CRB2: variants seen among roughly 807,000 people sequenced by gnomAD.
The protein encoded by CRB2 is protein crumbs homolog 2.
CRB2 carries 85 observed loss-of-function variants against 110.9 expected under a neutral mutation model. The observed-to-expected ratio is 0.77, with a 90% CI of 0.64 to 0.92. The LOEUF is 0.92. Among genes scored for constraint, CRB2 ranks in the 40% least tolerant of loss-of-function variants. CRB2 has a pLI of 0.00. For synonymous variants in CRB2, 907 were observed against 831.0 expected (o/e 1.09, Z -1.57); for missense variants, 1,843 against 1,851.3 (o/e 1.00, Z 0.08).
intron 9 of CRB2, 28 bp downstream of exon 9, chr9:123,372,370 T>G: frequency 6.4e-7 from 1 of 1,563,592 alleles, no homozygotes; most frequent in Non-Finnish European, 8.7e-7. Context: ...GCAGCTCCCG[T>G]GCTGGGTGCT....
intron 1 of CRB2, among the ~76,000 whole-genome samples, chr9:123,361,132 C>T (rs796780363): frequency 2.3e-4 from 15 of 66,008 alleles, no homozygotes; most frequent in East Asian, 5.0e-4. Flanking sequence ...ATTGGATGGG[C>T]GGGGAGGGGG....
chr9:123,356,417 C>T, intron 1 of CRB2, 63 bp downstream of exon 1: 1 of 1,322,004 alleles, frequency 7.6e-7, no homozygotes. Flanking sequence ...ACAGATACCC[C>T]AAGCCTTGGC....
In CRB2 at chr9:123,373,808, G is replaced by A. The variant is rs2042059073; in HGVS notation, c.3277G>A (p.Ala1093Thr). The change falls in exon 10 of 13, where the codon GCC (alanine) becomes ACC (threonine). Residue 1093 changes from alanine to threonine, a missense_variant. By Grantham distance (58) the Ala-to-Thr change is moderately conservative. Coordinates refer to ENST00000373631, the MANE Select transcript of CRB2 (RefSeq NM_173689.7). ...GPGWEGPRCE[A>T]HVDPCHSAPC... is the part of the protein sequence containing the mutation. ...GGGGTGGGAAGGCCCGCGCTGCGAA[G>A]CCCACGTCGACCCCTGTCACTCCGC... is the stretch of plus-strand genomic sequence containing the variant. 2 of 1,588,214 alleles carry A rather than the reference G, an allele frequency of 1.3e-6. No individual in the cohort carries two copies. The highest frequency in any genetic ancestry group is 1.7e-6 in the Non-Finnish European group (2 of 1,175,144).
intron 2 of CRB2, among the ~76,000 whole-genome samples, chr9:123,365,030 G>C (rs1282449716): frequency 6.6e-6 from 1 of 152,216 alleles, no homozygotes; most frequent in Non-Finnish European, 1.5e-5. Flanking sequence ...GGGAGGCTGA[G>C]GTGGGTGGAT....
In CRB2 at chr9:123,373,819, C is replaced by G. The variant is rs755867686; in HGVS notation, c.3288C>G (p.Asp1096Glu). 2 of 1,583,894 alleles carry G rather than the reference C, an allele frequency of 1.3e-6. No individual in the cohort carries two copies. The highest frequency in any genetic ancestry group is 1.7e-6 in the Non-Finnish European group (2 of 1,172,576). Residue 1096 changes from aspartate (D) to glutamate (E), a missense_variant, in exon 10 of 13, where the codon GAC becomes GAG. Asp to Glu is a conservative substitution (Grantham distance 45). Transcript: ENST00000373631. The stretch of plus-strand genomic sequence containing the variant: ...GCCCGCGCTGCGAAGCCCACGTCGA[C>G]CCCTGTCACTCCGCCCCCTGCGCCC... Reference protein sequence around the residue: ...WEGPRCEAHVDPCHSAPCARG... With the variant: ...WEGPRCEAHVEPCHSAPCARG...
At position 123,366,106 on chromosome 9, in the gene CRB2, T is replaced by C; in HGVS notation, c.608T>C (p.Val203Ala). The change falls in exon 3 of 13, where the codon GTC becomes GCC. Residue 203 changes from valine to alanine, a missense_variant. Transcript: ENST00000373631. ...CATGGGGGCACGTGCCACGACCTGGTCAACGGGTGAGCGAGCGGCGGGGCA... is the reference window on the plus strand; with the variant it reads ...CATGGGGGCACGTGCCACGACCTGGCCAACGGGTGAGCGAGCGGCGGGGCA... ...CAHGGTCHDL[V>A]NGFRCDCAGT... 6.8e-7 allele frequency: 1 copy of C among 1,478,212 alleles called. No individual in the cohort carries two copies. Among genetic ancestry groups the C allele is most frequent in the African/African-American group, 1.4e-5 (1 of 69,220 alleles). The allele number at this position is 1,478,212 out of a possible 1,614,324, so 91.6% of individuals were successfully genotyped here.
intron 6 of CRB2, chr9:123,368,760 G>A (rs2041973611): frequency 8.7e-7 from 1 of 1,144,616 alleles, no homozygotes; most frequent in Non-Finnish European, 1.1e-6. Context: ...GCTGGGCATG[G>A]GGGAGGCCAG....
At chr9:123,368,811 G>T in intron 6 of CRB2, 1 of 1,214,518 alleles carries the variant, frequency 8.2e-7, no homozygotes, top group South Asian at 1.4e-5. Flanking sequence ...AGGCAGCTGG[G>T]CCAGGCAGGG....
In CRB2 at chr9:123,374,699, G is replaced by A. The variant is rs781125977; in HGVS notation, c.3506+4G>A. 1.2e-6 allele frequency: 2 copies of A among 1,600,576 alleles called. No individual in the cohort carries two copies. The highest frequency in any genetic ancestry group is 2.2e-5 in the South Asian group (2 of 90,812). On this transcript the variant is annotated splice_donor_region_variant and intron_variant, in intron 11 of 12. Transcript: ENST00000373631. ...TGGAGGGTCTTGCTGGCCAGAGGTG[G>A]GTCTGGGGGCCTGGGAACTGTGAGG...
intron 1 of CRB2, among the ~76,000 whole-genome samples, chr9:123,358,978 A>G (rs951364078): frequency 1.9e-4 from 29 of 152,048 alleles, no homozygotes; most frequent in Admixed American, 2.0e-4. Flanking sequence ...GGGGAACCCC[A>G]CCTGCTCTGT....
Position 123,373,799 on chromosome 9 carries a change from C to T in CRB2, c.3268C>T (p.Arg1090Cys). Residue 1090 changes from arginine to cysteine, a missense_variant, in exon 10 of 13, where the codon CGC becomes TGC. By Grantham distance (180) the Arg-to-Cys change is radical. Transcript: ENST00000373631. ...CACGPGWEGP[R>C]CEAHVDPCHS... ...CTGCGGCCCGGGGTGGGAAGGCCCG[C>T]GCTGCGAAGCCCACGTCGACCCCTG... is the stretch of plus-strand genomic sequence containing the variant. The T allele has an allele frequency of 1.9e-6, 3 of 1,590,162 alleles. No homozygotes were observed. Among genetic ancestry groups the T allele is most frequent in the East Asian group, 2.3e-5 (1 of 44,128 alleles).
upstream of CRB2, among the ~76,000 whole-genome samples, chr9:123,355,808 G>C (rs1334753063): frequency 6.6e-6 from 1 of 151,280 alleles, no homozygotes; most frequent in African/African-American, 2.4e-5. Context: ...CGAAGGCCTG[G>C]GCTTGGGAGA....
At position 123,370,255 on chromosome 9, in the gene CRB2, A is replaced by G. The variant is rs752469529; in HGVS notation, c.1202A>G (p.Gln401Arg). ...TGTTCTGTGCAGCTCACTGGCTGCCAGGGCCACACCTGCCCGCTGGCTGCC... is the reference window on the plus strand; with the variant it reads ...TGTTCTGTGCAGCTCACTGGCTGCCGGGGCCACACCTGCCCGCTGGCTGCC... ...RDCSVQLTGCQGHTCPLAATC... is the reference protein window; with the variant it reads ...RDCSVQLTGCRGHTCPLAATC... Residue 401 changes from glutamine (Q) to arginine (R), a missense_variant, in exon 7 of 13, where the codon CAG becomes CGG. Coordinates refer to ENST00000373631, the MANE Select transcript of CRB2 (RefSeq NM_173689.7). 1 of 1,613,316 alleles carries G rather than the reference A, an allele frequency of 6.2e-7. No homozygotes were observed. The highest frequency in any genetic ancestry group is 8.5e-7 in the Non-Finnish European group (1 of 1,180,006).
rs543547663 is a variant in CRB2, at chr9:123,373,904, G to A, written c.3373G>A (p.Gly1125Arg). Residue 1125 changes from glycine to arginine, a missense_variant, in exon 10 of 13, where the codon GGG becomes AGG. Gly to Arg is a moderately radical substitution (Grantham distance 125). Coordinates refer to ENST00000373631, the MANE Select transcript of CRB2 (RefSeq NM_173689.7). ...RFECRCPPGFGGPRCRLPVPS... is the reference protein window; with the variant it reads ...RFECRCPPGFRGPRCRLPVPS... ...CGAGTGCCGCTGCCCGCCTGGCTTCGGGGGCCCGCGCTGCAGGTGGGATGG... is the reference window on the plus strand; with the variant it reads ...CGAGTGCCGCTGCCCGCCTGGCTTCAGGGGCCCGCGCTGCAGGTGGGATGG... The A allele has an allele frequency of 4.5e-6, 7 of 1,548,412 alleles. No homozygotes were observed. The highest frequency in any genetic ancestry group is 1.9e-5 in the Admixed American group (1 of 51,370).
chr9:123,362,868 C>T lies in CRB2; in HGVS notation c.98C>T (p.Thr33Met), dbSNP rs774518464. 2.8e-5 allele frequency: 44 copies of T among 1,576,156 alleles called. No homozygotes were observed. The highest frequency in any genetic ancestry group is 9.4e-5 in the African/African-American group (7 of 74,186). The part of the protein sequence containing the change: ...WAPALSLLAG[T>M]VPSEPPSACA... The stretch of plus-strand genomic sequence containing the variant: ...AGCCAGTTTCTTCTTTCTACAGGGA[C>T]GGTGCCTTCAGAGCCCCCCAGTGCC... The change falls in exon 2 of 13, where the codon ACG becomes ATG. Residue 33 changes from threonine (T) to methionine (M), a missense_variant. Transcript: ENST00000373631.
chr9:123,374,242 C>G (rs2042068720), intron 10 of CRB2: 1 of 592,906 alleles, frequency 1.7e-6, no homozygotes, highest in Non-Finnish European at 3.0e-6. Context: ...CCTTATTCAT[C>G]TGGCAGTGGC....
Position 123,366,294 on chromosome 9 carries a change from G to C in CRB2, c.682G>C (p.Ala228Pro). 1 of 1,520,932 alleles carries C rather than the reference G, an allele frequency of 6.6e-7. No homozygotes were observed. The highest frequency in any genetic ancestry group is 8.7e-7 in the Non-Finnish European group (1 of 1,147,258). The allele number at this position is 1,520,932 out of a possible 1,614,324, so 94.2% of individuals were successfully genotyped here. A position where few individuals can be genotyped will look rare whatever the true frequency, so the allele number is the denominator to read the frequency against. The part of the protein sequence containing the change: ...THCEREVLEC[A>P]SAPCEHNASC... ...CTGCGAGCGGGAGGTGCTGGAGTGC[G>C]CATCGGCGCCCTGCGAGCACAACGC... The change falls in exon 4 of 13, where the codon GCA becomes CCA. Residue 228 changes from alanine (A) to proline (P), a missense_variant. By Grantham distance (27) the Ala-to-Pro change is conservative (BLOSUM62 -1). Coordinates refer to ENST00000373631, the MANE Select transcript of CRB2 (RefSeq NM_173689.7).
At position 123,366,344 on chromosome 9, in the gene CRB2, C is replaced by T. The variant is rs760634007; in HGVS notation, c.732C>T (p.Ser244=). The change falls in exon 4 of 13, where the codon AGC becomes AGT. Residue 244 remains serine, a synonymous_variant. Coordinates refer to ENST00000373631, the MANE Select transcript of CRB2 (RefSeq NM_173689.7). ...CGTCCTGCCTCGAGGGCCTCGGGAG[C>T]TTCCGCTGCCTCTGTTGGCCAGGTG... is the stretch of plus-strand genomic sequence containing the variant. The part of the protein sequence containing the change: ...HNASCLEGLG[S]FRCLCWPGYS... 3.9e-6 allele frequency: 6 copies of T among 1,548,120 alleles called. No individual in the cohort carries two copies. In the Admixed American group the frequency reaches 9.7e-5, roughly 25 times the overall value.
chr9:123,376,982 C>G lies in CRB2; in HGVS notation c.3778C>G (p.Pro1260Ala), dbSNP rs769211997. ...KRRQSEGTYS[P>A]SQQEVAGARL... Reference sequence around the variant, plus strand: ...CCGCCAGTCTGAGGGCACCTACAGCCCAAGCCAGCAGGAGGTGGCTGGGGC... The same window carrying G: ...CCGCCAGTCTGAGGGCACCTACAGCGCAAGCCAGCAGGAGGTGGCTGGGGC... Residue 1260 changes from proline (P) to alanine (A), a missense_variant, in exon 13 of 13, where the codon CCA (proline) becomes GCA (alanine). By Grantham distance (27) the Pro-to-Ala change is conservative. Transcript: ENST00000373631. The G allele has an allele frequency of 1.2e-6, 2 of 1,608,938 alleles. No individual in the cohort carries two copies. Among genetic ancestry groups the G allele is most frequent in the Non-Finnish European group, 1.7e-6 (2 of 1,178,584 alleles).
Sources: allele counts gnomAD v4.1 joint callset (sites outside exome capture counted in the v4.1 genomes callset), GRCh38; gene constraint gnomAD v4.1.1; transcripts MANE v1.5; gene names NCBI Gene and HGNC (gene_info 2026-07-23, HGNC 2026-07-21).